The following TRPS1 variants were observed in gnomAD, a reference collection of about 807,000 sequenced individuals.
TRPS1 encodes the protein transcriptional repressor GATA binding 1.
In TRPS1, 6 loss-of-function variants were observed where a neutral mutation model predicts 101.2. The ratio of observed to expected loss-of-function variants is 0.06; its 90% CI spans 0.03 to 0.12. The LOEUF (loss-of-function observed/expected upper bound fraction) is 0.12, where lower values mean the gene tolerates loss of function less well. Among genes scored for constraint, TRPS1 ranks in the 10% least tolerant of loss-of-function variants. The pLI, the probability that TRPS1 is intolerant of heterozygous loss-of-function variation, is 1.00. For synonymous variants in TRPS1, 578 were observed against 589.8 expected, an observed-to-expected ratio of 0.98 and a Z score of 0.29; for missense variants, 1,363 against 1,567.0, an observed-to-expected ratio of 0.87 and a Z score of 2.20.
At chr8:115,612,255 G>T (rs988703341) in intron 3 of TRPS1, among the ~76,000 whole-genome samples, 1 of 151,876 alleles carries the variant, frequency 6.6e-6, no homozygotes, top group Non-Finnish European at 1.5e-5. Flanking sequence ...AAGGAAAGGA[G>T]AGGAAGATGA....
chr8:115,505,027 A>C (rs1435596858), intron 5 of TRPS1, among the ~76,000 whole-genome samples: 2 of 152,104 alleles, frequency 1.3e-5, no homozygotes, highest in Non-Finnish European at 2.9e-5. Context: ...TCCTGGTAAA[A>C]ATATATCACA....
At chr8:115,493,698 T>TTTA (rs1231856154) in intron 5 of TRPS1, among the ~76,000 whole-genome samples, 2 of 152,164 alleles carry the variant, frequency 1.3e-5, no homozygotes, top group Admixed American at 1.3e-4. Flanking sequence ...CTATCATCAA[T>TTTA]TTATATTGTT....
intron 5 of TRPS1, among the ~76,000 whole-genome samples, chr8:115,461,659 T>G (rs1158877603): frequency 6.6e-6 from 1 of 152,172 alleles, no homozygotes; most frequent in Non-Finnish European, 1.5e-5. Context: ...TTTCTTCAAT[T>G]TAGTTGGTTT....
At chr8:115,536,635 T>A (rs1816330191) in intron 5 of TRPS1, among the ~76,000 whole-genome samples, 1 of 152,116 alleles carries the variant, frequency 6.6e-6, no homozygotes, top group Non-Finnish European at 1.5e-5. Context: ...ATTTTACTCT[T>A]ATGTAATTAA....
chr8:115,492,877 C>A (rs1815063258), intron 5 of TRPS1, among the ~76,000 whole-genome samples: 1 of 151,906 alleles, frequency 6.6e-6, no homozygotes, highest in Non-Finnish European at 1.5e-5. Flanking sequence ...CCACACCCAG[C>A]TAATTTTTGT....
At chr8:115,592,987 T>A (rs1817710815) in intron 4 of TRPS1, among the ~76,000 whole-genome samples, 2 of 141,358 alleles carry the variant, frequency 1.4e-5, no homozygotes, top group African/African-American at 5.0e-5. Context: ...CCCAAATAAA[T>A]TTTTTTTTTT....
intron 1 of TRPS1, among the ~76,000 whole-genome samples, chr8:115,628,559 A>C (rs1818560867): frequency 6.6e-6 from 1 of 151,790 alleles, no homozygotes; most frequent in Non-Finnish European, 1.5e-5. Context: ...AAATTAAATA[A>C]CTTTTTCCTG....
chr8:115,580,671 T>C (rs1390985176), intron 5 of TRPS1, among the ~76,000 whole-genome samples: 1 of 152,230 alleles, frequency 6.6e-6, no homozygotes, highest in South Asian at 2.1e-4. Context: ...ACAGTCCAAT[T>C]CACTAAGATA....
intron 5 of TRPS1, among the ~76,000 whole-genome samples, chr8:115,504,443 G>A (rs2130160461): frequency 1.3e-5 from 2 of 152,274 alleles, no homozygotes; most frequent in African/African-American, 4.8e-5. Context: ...TTATTTCAGA[G>A]TATTCACAAC....
intron 1 of TRPS1, among the ~76,000 whole-genome samples, chr8:115,636,993 T>G (rs1363087418): frequency 2.6e-5 from 4 of 152,090 alleles, no homozygotes; most frequent in Non-Finnish European, 4.4e-5. Context: ...TGCTATCTTT[T>G]ATTAATATTT....
At chr8:115,457,783 C>A (rs1024095589) in intron 5 of TRPS1, among the ~76,000 whole-genome samples, 9 of 152,158 alleles carry the variant, frequency 5.9e-5, no homozygotes, top group Non-Finnish European at 1.2e-4. Context: ...TAGTGATTGG[C>A]AGAGCTGGAG....
At chr8:115,456,797 C>G (rs928128217) in intron 5 of TRPS1, among the ~76,000 whole-genome samples, 1 of 151,892 alleles carries the variant, frequency 6.6e-6, no homozygotes, top group Non-Finnish European at 1.5e-5. Flanking sequence ...TGATAAAATC[C>G]TCACCATTTT....
intron 5 of TRPS1, among the ~76,000 whole-genome samples, chr8:115,550,686 G>C (rs142170093): frequency 1.3e-5 from 2 of 152,264 alleles, no homozygotes; most frequent in African/African-American, 4.8e-5. Flanking sequence ...AGAAATTCTT[G>C]ACATTGAGTT....
chr8:115,498,373 G>GTCTCTC (rs1271156488), intron 5 of TRPS1, among the ~76,000 whole-genome samples: 410 of 30,924 alleles, frequency 0.013, 122 homozygotes, highest in East Asian at 0.046. Flanking sequence ...GAGAGAGCCC[G>GTCTCTC]TCTCTCTCTC....
rs1030317869 is a variant in TRPS1 at position 115,497,072 on chromosome 8, C to T, written c.2701-78620G>A. 2.3e-4 allele frequency among the ~76,000 whole-genome samples: 35 copies of T among 152,184 alleles called. 1 individual carries two copies. Among genetic ancestry groups the T allele is most frequent in the Admixed American group, 1.4e-3 (21 of 15,282 alleles). On this transcript the variant is annotated intron_variant, in intron 5 of 6. Coordinates refer to ENST00000395715, the MANE Select transcript of TRPS1 (RefSeq NM_014112.5). ...AAAATATGGGAATCAAATATGTTCA[C>T]TTTGCTCATGGGACTATTCCTCTGA...
Position 115,418,857 on chromosome 8 carries a change from T to C in TRPS1, c.2701-405A>G, listed in dbSNP as rs777195700. Among the ~76,000 whole-genome samples, 8 of 152,216 alleles carry C rather than the reference T, an allele frequency of 5.3e-5. No individual in the cohort carries two copies. The highest frequency in any genetic ancestry group is 7.3e-5 in the Non-Finnish European group (5 of 68,032). ...CACATGCTACCTGAGCTTTAAAATA[T>C]AGTCAAGTTTGGAATAAATGTAAAT... On this transcript the variant is annotated intron_variant, in intron 5 of 6. Transcript: ENST00000395715. This position sits in a 1 kb window ranked among gnomAD's most constrained non-coding sequence, Gnocchi z 4.3.
At chr8:115,628,039 C>T (rs1818549610) in intron 1 of TRPS1, among the ~76,000 whole-genome samples, 1 of 151,752 alleles carries the variant, frequency 6.6e-6, no homozygotes, top group Non-Finnish European at 1.5e-5. Flanking sequence ...TGAAGACATA[C>T]TGAGAACTTA....
At chr8:115,629,733 G>C (rs2721946) in intron 1 of TRPS1, among the ~76,000 whole-genome samples, 2 of 151,660 alleles carry the variant, frequency 1.3e-5, no homozygotes, top group South Asian at 4.1e-4. Context: ...AGTTCATATA[G>C]TTACAATCAG....
Position 115,414,098 on chromosome 8 carries a change from G to C in TRPS1, c.3810C>G (p.Asp1270Glu). The C allele has an allele frequency of 6.2e-7, 1 of 1,613,886 alleles. No homozygotes were observed. Among genetic ancestry groups the C allele is most frequent in the Non-Finnish European group, 8.5e-7 (1 of 1,179,896 alleles). The change falls in exon 7 of 7, where the codon GAC becomes GAG. Residue 1270 changes from aspartate to glutamate, a missense_variant. Asp to Glu is a conservative substitution (Grantham distance 45, BLOSUM62 2). Transcript: ENST00000395715. The surrounding 1 kb of genome is among the most constrained non-coding windows in gnomAD (Gnocchi z 4.8). ...ICQHLCTDKY[D>E]FTTHIQRGLH... is the part of the protein sequence containing the mutation. ...GGCCCCTCTGGATATGTGTTGTGAA[G>C]TCATATTTGTCCGTGCAAAGATGCT...
Sources: gnomAD v4.1 joint callset for allele counts (sites outside exome capture counted in the v4.1 genomes callset) on GRCh38, gnomAD v4.1.1 for gene constraint, Gnocchi (gnomAD v3.1) non-coding constraint, MANE v1.5 for transcripts, NCBI Gene and HGNC (gene_info 2026-07-23, HGNC 2026-07-21) for gene names.